Variants in ETFA observed in about 807,000 individuals in gnomAD.
The protein encoded by ETFA is electron transfer flavoprotein subunit alpha, also known as electron transfer flavoprotein subunit alpha, mitochondrial.
In ETFA, 22 loss-of-function variants were observed where a neutral mutation model predicts 46.2. That is an observed-to-expected ratio of 0.48 (90% CI 0.34 to 0.68). The LOEUF is 0.68. Among genes scored for constraint, ETFA ranks in the 30% least tolerant of loss-of-function variants. ETFA has a pLI of 0.01. For synonymous variants in ETFA, 131 were observed against 139.9 expected (o/e 0.94, Z 0.45); for missense variants, 345 against 401.1 (o/e 0.86, Z 1.19).
chr15:76,244,611 G>A (rs928173808), intron 9 of ETFA, among the ~76,000 whole-genome samples: 5 of 151,144 alleles, frequency 3.3e-5, no homozygotes, highest in Admixed American at 1.3e-4. Context: ...TGACATTCAT[G>A]TGCCCATTTA....
intron 7 of ETFA, chr15:76,284,936 G>GA (rs937742184): frequency 1.0e-5 from 4 of 397,448 alleles, no homozygotes; most frequent in Admixed American, 6.2e-5. Context: ...ATCTCAAAAA[G>GA]AAAAAAAGAA....
intron 2 of ETFA, among the ~76,000 whole-genome samples, chr15:76,294,241 G>A (rs2039796317): frequency 6.6e-6 from 1 of 152,092 alleles, no homozygotes; most frequent in Non-Finnish European, 1.5e-5. Flanking sequence ...TTAAATCACA[G>A]CAAAACAAAC....
At chr15:76,296,539 A>G (rs1338783865) in intron 1 of ETFA, among the ~76,000 whole-genome samples, 1 of 152,222 alleles carries the variant, frequency 6.6e-6, no homozygotes, top group African/African-American at 2.4e-5. Context: ...CTATTGTTTC[A>G]GTCAAAATGC....
chr15:76,221,580 C>G (rs1199960945), intron 11 of ETFA, among the ~76,000 whole-genome samples: 1 of 152,196 alleles, frequency 6.6e-6, no homozygotes, highest in African/African-American at 2.4e-5. Context: ...TTACCAGCAC[C>G]TACTATGTAC....
chr15:76,259,042 C>A, intron 9 of ETFA: 10 of 1,606,710 alleles, frequency 6.2e-6, no homozygotes, highest in Non-Finnish European at 8.5e-6. Flanking sequence ...CTCTGTGTCT[C>A]ATTGAGGGGA....
intron 1 of ETFA, among the ~76,000 whole-genome samples, chr15:76,299,706 T>A (rs1345736201): frequency 1.3e-5 from 2 of 152,156 alleles, no homozygotes; most frequent in Non-Finnish European, 2.9e-5. Context: ...ATACTCAACA[T>A]AGAAATTCCT....
At chr15:76,288,570 G>A (rs1317385746) in intron 4 of ETFA, among the ~76,000 whole-genome samples, 1 of 152,050 alleles carries the variant, frequency 6.6e-6, no homozygotes, top group Non-Finnish European at 1.5e-5. Flanking sequence ...GCCGGGGATG[G>A]TGGTGTATGC....
intron 9 of ETFA, among the ~76,000 whole-genome samples, chr15:76,255,023 C>T (rs1216816311): frequency 6.6e-6 from 1 of 152,046 alleles, no homozygotes; most frequent in East Asian, 1.9e-4. Context: ...TTCTCTAAAA[C>T]TATTCTATTT....
intron 1 of ETFA, among the ~76,000 whole-genome samples, chr15:76,309,405 C>A (rs1001652041): frequency 2.0e-5 from 3 of 151,972 alleles, no homozygotes; most frequent in Non-Finnish European, 4.4e-5. Context: ...GAGCTGAGAT[C>A]GCGCCACTGC....
At chr15:76,302,448 C>T (rs1002716335) in intron 1 of ETFA, among the ~76,000 whole-genome samples, 26 of 149,664 alleles carry the variant, frequency 1.7e-4, no homozygotes, top group African/African-American at 5.9e-4. Flanking sequence ...CTCTGTTAAA[C>T]GCAAAACTAT....
intron 9 of ETFA, among the ~76,000 whole-genome samples, chr15:76,234,908 G>C (rs182770145): frequency 6.6e-6 from 1 of 152,206 alleles, no homozygotes; most frequent in African/African-American, 2.4e-5. Context: ...CTCAGGGGCT[G>C]AGGTCTAAAC....
intron 11 of ETFA, among the ~76,000 whole-genome samples, chr15:76,218,717 GC>G (rs1439160665): frequency 4.6e-5 from 7 of 152,172 alleles, no homozygotes; most frequent in African/African-American, 1.7e-4. Context: ...TGCAGAGGCA[GC>G]TCCCTACTCA....
intron 1 of ETFA, among the ~76,000 whole-genome samples, chr15:76,304,395 C>T (rs747998391): frequency 2.6e-5 from 4 of 152,122 alleles, no homozygotes; most frequent in Admixed American, 6.5e-5. Flanking sequence ...CCAGGACACA[C>T]GGTTTACTCA....
intron 1 of ETFA, among the ~76,000 whole-genome samples, chr15:76,309,079 G>A (rs1361624375): frequency 6.6e-6 from 1 of 152,098 alleles, no homozygotes; most frequent in Non-Finnish European, 1.5e-5. Context: ...TAATATATGG[G>A]TCCACTTTAG....
chr15:76,254,326 T>G (rs2039329373), intron 9 of ETFA, among the ~76,000 whole-genome samples: 1 of 152,182 alleles, frequency 6.6e-6, no homozygotes, highest in Non-Finnish European at 1.5e-5. Flanking sequence ...GCATTAGGCA[T>G]GTATGAGGTG....
intron 1 of ETFA, among the ~76,000 whole-genome samples, chr15:76,303,487 G>T (rs1472775703): frequency 6.6e-6 from 1 of 151,590 alleles, no homozygotes; most frequent in East Asian, 1.9e-4. Flanking sequence ...AAACTAAAGA[G>T]CTTCTGCACA....
At chr15:76,273,062 A>C (rs907026937) in intron 9 of ETFA, among the ~76,000 whole-genome samples, 2 of 152,126 alleles carry the variant, frequency 1.3e-5, no homozygotes, top group African/African-American at 4.8e-5. Flanking sequence ...ATAAGAAGAA[A>C]GACTGGTGCA....
At chr15:76,259,829 G>T in intron 9 of ETFA, 1 of 1,549,616 alleles carries the variant, frequency 6.5e-7, no homozygotes. Flanking sequence ...CAGGGTAAAG[G>T]GGTTCTCCCC....
intron 10 of ETFA, among the ~76,000 whole-genome samples, chr15:76,229,600 CTTTCT>C (rs1307934188): frequency 6.6e-6 from 1 of 152,108 alleles, no homozygotes; most frequent in East Asian, 1.9e-4. Flanking sequence ...GTTGGAGTTT[CTTTCT>C]TTTATTTATT....
Sources: allele counts gnomAD v4.1 joint callset (sites outside exome capture counted in the v4.1 genomes callset), GRCh38; gene constraint gnomAD v4.1.1; transcripts MANE v1.5; gene names NCBI Gene and HGNC (gene_info 2026-07-23, HGNC 2026-07-21).